Variants in XYLT1 observed in about 807,000 individuals in gnomAD.
The protein encoded by XYLT1 is xylosyltransferase 1, also known as beta-D-xylosyltransferase 1.
XYLT1 carries 36 observed loss-of-function variants against 91.3 expected under a neutral mutation model. The observed-to-expected ratio is 0.39, with a 90% CI of 0.30 to 0.52. The LOEUF (loss-of-function observed/expected upper bound fraction) is 0.52. XYLT1 is among the 20% of genes least tolerant of loss of function. XYLT1 has a pLI of 0.68. For missense variants in XYLT1, 1,242 were observed against 1,284.5 expected, an observed-to-expected ratio of 0.97 and a Z score of 0.51; for synonymous variants, 588 against 532.0, an observed-to-expected ratio of 1.11 and a Z score of -1.45.
chr16:17,332,389 C>A (rs1286914519), intron 2 of XYLT1, among the ~76,000 whole-genome samples: 1 of 152,106 alleles, frequency 6.6e-6, no homozygotes, highest in African/African-American at 2.4e-5. Context: ...TGGGGAAACC[C>A]TGACTCTACT....
chr16:17,351,749 T>G (rs200091922), intron 2 of XYLT1, among the ~76,000 whole-genome samples: 4,217 of 134,820 alleles, frequency 0.031, 231 homozygotes, highest in African/African-American at 0.11. Context: ...GCTTTTTTTT[T>G]GGGGGGGGGT....
At chr16:17,188,484 C>G (rs1401226993) in intron 5 of XYLT1, among the ~76,000 whole-genome samples, 1 of 152,164 alleles carries the variant, frequency 6.6e-6, no homozygotes, top group Non-Finnish European at 1.5e-5. Flanking sequence ...ACCCCCTCTT[C>G]CTGGGATGCC....
chr16:17,345,806 TTTTA>T (rs1222270519), intron 2 of XYLT1, among the ~76,000 whole-genome samples: 71 of 151,986 alleles, frequency 4.7e-4, no homozygotes, highest in African/African-American at 1.7e-3. Context: ...CTTCAACCGT[TTTTA>T]TTTATTATTA....
chr16:17,389,604 C>G (rs1183148951), intron 1 of XYLT1, among the ~76,000 whole-genome samples: 1 of 152,144 alleles, frequency 6.6e-6, no homozygotes. Flanking sequence ...CTGATCAGCC[C>G]CAGGCCATTT....
intron 10 of XYLT1, 30 bp from the exon 11 acceptor site, chr16:17,118,009 C>G: frequency 6.3e-7 from 1 of 1,589,488 alleles, no homozygotes; most frequent in Non-Finnish European, 8.6e-7. Flanking sequence ...TCTGAAGTCA[C>G]TGGGCCTGAA....
intron 2 of XYLT1, among the ~76,000 whole-genome samples, chr16:17,281,945 CCTTCT>C (rs1567354975): frequency 6.6e-6 from 1 of 152,178 alleles, no homozygotes; most frequent in Non-Finnish European, 1.5e-5. Context: ...CACTCCCCTC[CCTTCT>C]CTCTCAGTCT....
chr16:17,445,569 G>A (rs2036581459), intron 1 of XYLT1, among the ~76,000 whole-genome samples: 1 of 152,156 alleles, frequency 6.6e-6, no homozygotes, highest in Non-Finnish European at 1.5e-5. Flanking sequence ...GGCCTGGGCT[G>A]GGCTCTTTTG....
chr16:17,454,919 C>A (rs879479125), intron 1 of XYLT1, among the ~76,000 whole-genome samples: 1 of 104,142 alleles, frequency 9.6e-6, no homozygotes, highest in African/African-American at 4.3e-5. Flanking sequence ...CCCCGCCCCC[C>A]CCCGCAACTA....
chr16:17,430,522 G>T (rs73527421), intron 1 of XYLT1, among the ~76,000 whole-genome samples: 1,762 of 152,242 alleles, frequency 0.012, 45 homozygotes, highest in African/African-American at 0.04. Context: ...TCAAGATGGC[G>T]GCAGCAGAAC....
At chr16:17,423,758 G>A (rs2036277710) in intron 1 of XYLT1, among the ~76,000 whole-genome samples, 1 of 152,030 alleles carries the variant, frequency 6.6e-6, no homozygotes, top group African/African-American at 2.4e-5. Flanking sequence ...TGGGACTACA[G>A]GTGCATGCCA....
intron 5 of XYLT1, among the ~76,000 whole-genome samples, chr16:17,174,217 T>C (rs886087018): frequency 1.3e-5 from 2 of 152,234 alleles, no homozygotes; most frequent in African/African-American, 4.8e-5. Context: ...TTTATCTTAT[T>C]ACTTCTTCCC....
chr16:17,238,463 T>C (rs1567336465), intron 3 of XYLT1, among the ~76,000 whole-genome samples: 1 of 152,212 alleles, frequency 6.6e-6, no homozygotes, highest in East Asian at 1.9e-4. Flanking sequence ...GCCCTTGAGG[T>C]TGGAAAGTAG....
intron 1 of XYLT1, among the ~76,000 whole-genome samples, chr16:17,406,275 T>C (rs1007962735): frequency 3.3e-5 from 5 of 152,236 alleles, no homozygotes; most frequent in Non-Finnish European, 5.9e-5. Flanking sequence ...GTTATTGTTT[T>C]AGGCACTGGG....
chr16:17,303,056 T>C (rs1468411050), intron 2 of XYLT1, among the ~76,000 whole-genome samples: 2 of 150,858 alleles, frequency 1.3e-5, no homozygotes, highest in Non-Finnish European at 2.9e-5. Flanking sequence ...TCAGTCGTGA[T>C]GGATCTTGAA....
chr16:17,318,634 C>G (rs983869696), intron 2 of XYLT1, among the ~76,000 whole-genome samples: 2 of 152,160 alleles, frequency 1.3e-5, no homozygotes, highest in African/African-American at 4.8e-5. Flanking sequence ...AATTCAGAAC[C>G]TGGTTCCATG....
At chr16:17,279,277 G>A (rs1365206540) in intron 2 of XYLT1, among the ~76,000 whole-genome samples, 1 of 152,226 alleles carries the variant, frequency 6.6e-6, no homozygotes, top group African/African-American at 2.4e-5. Flanking sequence ...GCCAGCTCAT[G>A]GAGTTGAAAT....
At chr16:17,393,628 A>G (rs991779702) in intron 1 of XYLT1, among the ~76,000 whole-genome samples, 2 of 152,086 alleles carry the variant, frequency 1.3e-5, no homozygotes, top group African/African-American at 4.8e-5. Context: ...AAAATGTCAT[A>G]TGAGTCTGGG....
At chr16:17,325,992 C>A (rs1176695688) in intron 2 of XYLT1, among the ~76,000 whole-genome samples, 1 of 152,158 alleles carries the variant, frequency 6.6e-6, no homozygotes, top group African/African-American at 2.4e-5. Flanking sequence ...TGATTGTTTT[C>A]AAACAGCTTT....
chr16:17,288,176 G>A (rs532130026), intron 2 of XYLT1, among the ~76,000 whole-genome samples: 9 of 151,534 alleles, frequency 5.9e-5, no homozygotes, highest in Admixed American at 2.6e-4. Context: ...CCATCCTCCC[G>A]CTTCGGCCTC....
Sources: gnomAD v4.1 joint callset for allele counts (sites outside exome capture counted in the v4.1 genomes callset) on GRCh38, gnomAD v4.1.1 for gene constraint, MANE v1.5 for transcripts, NCBI Gene and HGNC (gene_info 2026-07-23, HGNC 2026-07-21) for gene names.